The following COL25A1 variants were observed in gnomAD, a reference collection of about 807,000 sequenced individuals.
COL25A1 encodes the protein collagen type XXV alpha 1 chain.
COL25A1 carries 103 observed loss-of-function variants against 128.4 expected under a neutral mutation model. The ratio of observed to expected loss-of-function variants is 0.80; its 90% CI spans 0.68 to 0.94. COL25A1 has a LOEUF of 0.94. Among genes scored for constraint, COL25A1 ranks in the 40% least tolerant of loss-of-function variants. The pLI is 0.00. For synonymous variants in COL25A1, 279 were observed against 277.2 expected, an observed-to-expected ratio of 1.01 and a Z score of -0.06; for missense variants, 745 against 840.0, an observed-to-expected ratio of 0.89 and a Z score of 1.40.
chr4:109,222,059 C>CTTTTTTTTTTT (rs3041336), intron 3 of COL25A1, among the ~76,000 whole-genome samples: 7 of 85,754 alleles, frequency 8.2e-5, no homozygotes, highest in South Asian at 4.6e-4. Flanking sequence ...TAAATAACTT[C>CTTTTTTTTTTT]TTTTTTTTTT....
intron 3 of COL25A1, among the ~76,000 whole-genome samples, chr4:109,070,637 T>A (rs576434022): frequency 6.6e-6 from 1 of 151,360 alleles, no homozygotes; most frequent in Non-Finnish European, 1.5e-5. Flanking sequence ...GCTGCACCCA[T>A]TAACTCGTCA....
At chr4:109,198,738 G>T (rs1776321261) in intron 3 of COL25A1, among the ~76,000 whole-genome samples, 1 of 152,204 alleles carries the variant, frequency 6.6e-6, no homozygotes, top group African/African-American at 2.4e-5. Context: ...CTTCTGTTAT[G>T]CCCACACTTA....
At chr4:109,266,009 T>C (rs771021313) in intron 3 of COL25A1, among the ~76,000 whole-genome samples, 62 of 146,034 alleles carry the variant, frequency 4.2e-4, no homozygotes, top group South Asian at 8.6e-4. Flanking sequence ...CTCCAAACAT[T>C]TCCTGTGTTA....
At chr4:109,097,454 A>AT (rs1553931840) in intron 3 of COL25A1, among the ~76,000 whole-genome samples, 4 of 149,516 alleles carry the variant, frequency 2.7e-5, no homozygotes, top group African/African-American at 9.9e-5. Flanking sequence ...AAAAAAAAAA[A>AT]CCACAAAAAT....
chr4:109,287,332 T>G (rs995171864), intron 3 of COL25A1, among the ~76,000 whole-genome samples: 4 of 152,172 alleles, frequency 2.6e-5, no homozygotes, highest in African/African-American at 9.7e-5. Flanking sequence ...AGTCAGGCAT[T>G]TGGCACAGGG....
intron 5 of COL25A1, among the ~76,000 whole-genome samples, chr4:109,041,488 G>A (rs1184667918): frequency 6.6e-6 from 1 of 151,934 alleles, no homozygotes; most frequent in Non-Finnish European, 1.5e-5. Context: ...ATTCCCAAGT[G>A]ATACACCAAT....
At chr4:109,276,282 G>A (rs1722832568) in intron 3 of COL25A1, among the ~76,000 whole-genome samples, 1 of 151,630 alleles carries the variant, frequency 6.6e-6, no homozygotes. Flanking sequence ...CATGGTGATG[G>A]GTGCCTGTAA....
chr4:109,053,291 T>C (rs1761150002), intron 3 of COL25A1, among the ~76,000 whole-genome samples: 1 of 152,186 alleles, frequency 6.6e-6, no homozygotes, highest in African/African-American at 2.4e-5. Flanking sequence ...TTTGCCATCA[T>C]GGTAATTATT....
At chr4:109,026,556 A>G (rs1291291051) in intron 5 of COL25A1, among the ~76,000 whole-genome samples, 1 of 152,222 alleles carries the variant, frequency 6.6e-6, no homozygotes, top group African/African-American at 2.4e-5. Flanking sequence ...TAGACTTGGG[A>G]AAAGGGTGTG....
At chr4:108,872,657 T>TAATA (rs533294696) in intron 19 of COL25A1, among the ~76,000 whole-genome samples, 1 of 151,892 alleles carries the variant, frequency 6.6e-6, no homozygotes, top group Non-Finnish European at 1.5e-5. Flanking sequence ...CCAGTTGCCT[T>TAATA]CTATTAAGTC....
intron 8 of COL25A1, among the ~76,000 whole-genome samples, chr4:108,950,035 C>T (rs755425530): frequency 2.6e-5 from 4 of 152,162 alleles, no homozygotes; most frequent in Non-Finnish European, 5.9e-5. Context: ...CAAGCAACTT[C>T]AAATGTGGCT....
chr4:109,082,197 C>T (rs1024738171), intron 3 of COL25A1, among the ~76,000 whole-genome samples: 2 of 152,200 alleles, frequency 1.3e-5, no homozygotes, highest in Admixed American at 1.3e-4. Context: ...TTTTCTTCAT[C>T]CATTCATCAG....
At chr4:108,958,447 T>C (rs375982823) in intron 8 of COL25A1, among the ~76,000 whole-genome samples, 2 of 152,086 alleles carry the variant, frequency 1.3e-5, no homozygotes, top group East Asian at 3.8e-4. Flanking sequence ...AAATATGATA[T>C]GATTCTAAAT....
chr4:109,090,174 C>G (rs965382564), intron 3 of COL25A1, among the ~76,000 whole-genome samples: 2 of 152,046 alleles, frequency 1.3e-5, no homozygotes, highest in South Asian at 4.1e-4. Context: ...TACTTTTTCT[C>G]TAGACAGAAT....
chr4:109,234,419 C>T (rs1351051529), intron 3 of COL25A1, among the ~76,000 whole-genome samples: 2 of 152,082 alleles, frequency 1.3e-5, no homozygotes, highest in Admixed American at 6.6e-5. Context: ...TCTCTGTTGA[C>T]AATTGTTAAT....
At chr4:108,942,803 C>G (rs1054854498) in intron 8 of COL25A1, among the ~76,000 whole-genome samples, 6 of 143,254 alleles carry the variant, frequency 4.2e-5, no homozygotes, top group Non-Finnish European at 9.0e-5. Context: ...TCACCCAGGC[C>G]GCAGTGCAGT....
chr4:109,033,209 C>T (rs138787277), intron 5 of COL25A1, among the ~76,000 whole-genome samples: 11 of 152,316 alleles, frequency 7.2e-5, no homozygotes, highest in African/African-American at 2.6e-4. Context: ...TTCACATACA[C>T]ACAAAGAGTG....
At chr4:108,987,672 C>T (rs1753786956) in intron 6 of COL25A1, among the ~76,000 whole-genome samples, 2 of 152,298 alleles carry the variant, frequency 1.3e-5, no homozygotes, top group East Asian at 3.9e-4. Context: ...CCGCGCCCGG[C>T]CGTGCATACC....
chr4:109,096,113 T>C (rs561074878), intron 3 of COL25A1, among the ~76,000 whole-genome samples: 1 of 152,088 alleles, frequency 6.6e-6, no homozygotes, highest in East Asian at 2.0e-4. Context: ...CATTATCACT[T>C]AACCATTTAA....
Sources: allele counts gnomAD v4.1 joint callset (sites outside exome capture counted in the v4.1 genomes callset), GRCh38; gene constraint gnomAD v4.1.1; transcripts MANE v1.5; gene names NCBI Gene and HGNC (gene_info 2026-07-23, HGNC 2026-07-21).